Variants in TRMT11 observed in about 807,000 individuals in gnomAD.
The protein encoded by TRMT11 is tRNA (guanine(10)-N(2))-methyltransferase TRMT11.
Under a neutral mutation model 62.8 loss-of-function variants are expected in TRMT11, and 53 were observed. That is an observed-to-expected ratio of 0.84 (90% CI 0.68 to 1.06). The LOEUF (loss-of-function observed/expected upper bound fraction) is 1.06, where lower values mean the gene tolerates loss of function less well. Ranked by LOEUF, TRMT11 falls within the 50% of genes least tolerant of loss-of-function variation. TRMT11 has a pLI of 0.00. For synonymous variants in TRMT11, 188 were observed against 190.3 expected, an observed-to-expected ratio of 0.99 and a Z score of 0.10; for missense variants, 556 against 553.4, an observed-to-expected ratio of 1.00 and a Z score of -0.05.
At chr6:126,106,966 G>T (rs1583876710) in intron 17 of TRMT11, among the ~76,000 whole-genome samples, 4 of 149,120 alleles carry the variant, frequency 2.7e-5, no homozygotes, top group East Asian at 3.9e-4. Flanking sequence ...ATCAGACTCT[G>T]TGGGGACACT....
At chr6:126,213,784 A>G in the TRMT11 span, among the ~76,000 whole-genome samples, 9 of 151,950 alleles carry the variant, frequency 5.9e-5, no homozygotes, top group East Asian at 1.7e-3. Context: ...CCAGTACTAT[A>G]TTGAGAAACA....
chr6:125,986,952 A>G, intron 1 of TRMT11: 1 of 326,644 alleles, frequency 3.1e-6, no homozygotes, highest in Non-Finnish European at 5.6e-6. Context: ...ACAAATGCTC[A>G]GGCTGGTGTT....
chr6:125,999,886 T>C (rs2128767467), intron 7 of TRMT11, among the ~76,000 whole-genome samples: 2 of 152,264 alleles, frequency 1.3e-5, no homozygotes, highest in Middle Eastern at 6.8e-3. Context: ...AAACTTGCAA[T>C]ACCATACATT....
In TRMT11 at chr6:126,110,507, T is replaced by C. The variant is rs574992948; in HGVS notation, c.*1438-2359T>C. ...CTTACCCTCTGTTATTCTGTTCTCTTTCAACTGTCTGTATTTTAATCCCTT... is the reference window on the plus strand; with the variant it reads ...CTTACCCTCTGTTATTCTGTTCTCTCTCAACTGTCTGTATTTTAATCCCTT... On this transcript the variant is annotated intron_variant and NMD_transcript_variant, in intron 17 of 22. Coordinates refer to the TRMT11 transcript ENST00000648977. Among the ~76,000 whole-genome samples, 93 of 152,304 alleles carry C rather than the reference T, an allele frequency of 6.1e-4. 1 individual carries two copies. The highest frequency in any genetic ancestry group is 2.2e-3 in the African/African-American group (91 of 41,560).
At chr6:126,075,790 T>C (rs889585571) in intron 17 of TRMT11, among the ~76,000 whole-genome samples, 13 of 152,146 alleles carry the variant, frequency 8.5e-5, no homozygotes, top group Non-Finnish European at 1.2e-4. Context: ...TATTTTTTGC[T>C]CATGTGGGTC....
chr6:126,055,346 G>A (rs1389613914), intron 17 of TRMT11, among the ~76,000 whole-genome samples: 3 of 152,136 alleles, frequency 2.0e-5, no homozygotes, highest in Non-Finnish European at 2.9e-5. Flanking sequence ...CTTGTGGCCC[G>A]CCTGGTTTTC....
chr6:126,015,408 T>G (rs1794856361), intron 11 of TRMT11, among the ~76,000 whole-genome samples: 1 of 151,872 alleles, frequency 6.6e-6, no homozygotes, highest in Non-Finnish European at 1.5e-5. Context: ...TTGTATTTTT[T>G]TAGTAGAGAC....
upstream of TRMT11, among the ~76,000 whole-genome samples, chr6:126,176,868 T>C (rs1036259574): frequency 2.0e-5 from 3 of 152,182 alleles, no homozygotes; most frequent in Non-Finnish European, 4.4e-5. Flanking sequence ...AGTGTTCACT[T>C]GCCCAACATA....
Position 126,068,536 on chromosome 6 carries a change from C to T in TRMT11, c.*1437+15346C>T, listed in dbSNP as rs116439243. 1.8e-3 allele frequency among the ~76,000 whole-genome samples: 271 copies of T among 152,254 alleles called. 1 individual carries two copies. The highest frequency in any genetic ancestry group is 6.3e-3 in the African/African-American group (261 of 41,544). On this transcript the variant is annotated intron_variant and NMD_transcript_variant, in intron 17 of 22. Coordinates refer to the TRMT11 transcript ENST00000648977. ...TGGCAGTGCCATCTTTGGCATAATT[C>T]AGTATCAGTTTATGCATGGGTCTGT...
chr6:126,222,005 G>A, the TRMT11 span, among the ~76,000 whole-genome samples: 2 of 152,138 alleles, frequency 1.3e-5, no homozygotes, highest in Non-Finnish European at 2.9e-5. Flanking sequence ...AAAGGAAAGG[G>A]TCCAGTATCA....
At chr6:126,073,028 A>G (rs1411538467) in intron 17 of TRMT11, among the ~76,000 whole-genome samples, 1 of 152,214 alleles carries the variant, frequency 6.6e-6, no homozygotes, top group East Asian at 1.9e-4. Flanking sequence ...CACAAAAGTT[A>G]CATGAAATGA....
At chr6:126,257,944 G>A in the TRMT11 span, 1 of 1,551,942 alleles carries the variant, frequency 6.4e-7, no homozygotes, top group Non-Finnish European at 8.9e-7. Flanking sequence ...GGTGTGCTCA[G>A]CTTCTGCATG....
intron 1 of TRMT11, among the ~76,000 whole-genome samples, chr6:126,198,436 G>C (rs908984097): frequency 1.4e-4 from 22 of 152,184 alleles, no homozygotes; most frequent in Non-Finnish European, 2.4e-4. Flanking sequence ...GATTTCTTCT[G>C]TCTCTCTATT....
chr6:126,093,635 T>C (rs1220329303), intron 17 of TRMT11, among the ~76,000 whole-genome samples: 2 of 67,636 alleles, frequency 3.0e-5, no homozygotes, highest in Non-Finnish European at 6.4e-5. Context: ...ATATATATTT[T>C]CCCCCAGTCC....
At chr6:126,105,719 A>G (rs1777457432) in intron 17 of TRMT11, among the ~76,000 whole-genome samples, 1 of 152,108 alleles carries the variant, frequency 6.6e-6, no homozygotes, top group African/African-American at 2.4e-5. Flanking sequence ...GATTTTCAAT[A>G]TGGAGAGTTA....
At chr6:126,009,541 C>T (rs1246449231) in intron 8 of TRMT11, 1 of 151,990 alleles carries the variant, frequency 6.6e-6, no homozygotes, top group Non-Finnish European at 1.5e-5. Context: ...TCCTTTTCCT[C>T]ACCCAGTATA....
At chr6:126,020,492 T>C (rs547200799) in intron 11 of TRMT11, among the ~76,000 whole-genome samples, 1 of 152,316 alleles carries the variant, frequency 6.6e-6, no homozygotes, top group African/African-American at 2.4e-5. Flanking sequence ...TCTTCATCCA[T>C]GTAGGACATG....
the TRMT11 span, among the ~76,000 whole-genome samples, chr6:126,220,768 C>T: frequency 7.4e-5 from 11 of 148,916 alleles, no homozygotes; most frequent in African/African-American, 2.5e-4. Flanking sequence ...TTTTTTTTTT[C>T]CAACTTTTAG....
intron 1 of TRMT11, among the ~76,000 whole-genome samples, chr6:126,189,530 A>C (rs1287379288): frequency 6.6e-6 from 1 of 152,162 alleles, no homozygotes; most frequent in Non-Finnish European, 1.5e-5. Context: ...ATTTTATAGA[A>C]AATGGGAAAA....
Sources: allele counts gnomAD v4.1 joint callset (sites outside exome capture counted in the v4.1 genomes callset), GRCh38; gene constraint gnomAD v4.1.1; transcripts MANE v1.5; gene names NCBI Gene and HGNC (gene_info 2026-07-23, HGNC 2026-07-21).